The following PITPNA variants were observed in gnomAD, a reference collection of about 807,000 sequenced individuals.
The protein encoded by PITPNA is phosphatidylinositol transfer protein alpha isoform.
PITPNA carries 13 observed loss-of-function variants against 50.3 expected under a neutral mutation model. The ratio of observed to expected loss-of-function variants is 0.26; its 90% CI spans 0.17 to 0.41. The LOEUF (loss-of-function observed/expected upper bound fraction) is 0.41. Ranked by LOEUF, PITPNA falls within the 10% of genes least tolerant of loss-of-function variation. The pLI is 1.00. For missense variants in PITPNA, 207 were observed against 333.4 expected (o/e 0.62, Z 2.95); for synonymous variants, 120 against 119.6 (o/e 1.00, Z -0.02).
intron 4 of PITPNA, among the ~76,000 whole-genome samples, chr17:1,544,514 C>T (rs560534655): frequency 6.6e-6 from 1 of 152,304 alleles, no homozygotes; most frequent in South Asian, 2.1e-4. Context: ...CCCTCCCAGG[C>T]CCTCAAACAC....
intron 10 of PITPNA, among the ~76,000 whole-genome samples, chr17:1,524,511 C>T (rs769073361): frequency 1.2e-4 from 19 of 152,080 alleles, no homozygotes; most frequent in Middle Eastern, 3.2e-3. Context: ...CCACCCACCT[C>T]AGCTTCCCAA....
chr17:1,546,936 G>A (rs2075677681), intron 4 of PITPNA, among the ~76,000 whole-genome samples: 1 of 152,094 alleles, frequency 6.6e-6, no homozygotes, highest in African/African-American at 2.4e-5. Context: ...AGAACATGCT[G>A]TTTCAGCAGA....
chr17:1,551,565 T>G (rs897662524), intron 3 of PITPNA, among the ~76,000 whole-genome samples: 6 of 152,184 alleles, frequency 3.9e-5, no homozygotes, highest in Non-Finnish European at 8.8e-5. Context: ...AGTGCTGGGA[T>G]TACAGGCGTG....
chr17:1,545,647 C>A (rs1008369698), intron 4 of PITPNA, among the ~76,000 whole-genome samples: 1 of 152,148 alleles, frequency 6.6e-6, no homozygotes, highest in Non-Finnish European at 1.5e-5. Context: ...GGTGCTGATA[C>A]AGAAATTATG....
At chr17:1,551,365 T>C (rs1042305301) in intron 3 of PITPNA, among the ~76,000 whole-genome samples, 4 of 151,774 alleles carry the variant, frequency 2.6e-5, no homozygotes, top group Admixed American at 2.0e-4. Context: ...GACCATGGCT[T>C]ACTGCAGCCC....
intron 7 of PITPNA, among the ~76,000 whole-genome samples, chr17:1,536,657 G>A (rs192346560): frequency 2.0e-5 from 3 of 151,452 alleles, no homozygotes; most frequent in Admixed American, 6.6e-5. Context: ...GCAGTGGCAC[G>A]ATCTCAGCTC....
intron 6 of PITPNA, 114 bp downstream of exon 6, chr17:1,541,448 ACTGC>A (rs1429093565): frequency 1.3e-6 from 1 of 750,422 alleles, no homozygotes; most frequent in East Asian, 2.5e-5. Context: ...GGCAGAGGCC[ACTGC>A]CTTCCCGGCC....
chr17:1,540,758 T>G (rs932634766), intron 6 of PITPNA, among the ~76,000 whole-genome samples: 1 of 152,164 alleles, frequency 6.6e-6, no homozygotes, highest in African/African-American at 2.4e-5. Context: ...CTGGCTGTTT[T>G]GTATTTTTAG....
intron 3 of PITPNA, among the ~76,000 whole-genome samples, chr17:1,549,876 T>G (rs760922393): frequency 6.6e-6 from 1 of 151,946 alleles, no homozygotes; most frequent in African/African-American, 2.4e-5. Flanking sequence ...GGTTTTGTCA[T>G]GTAGGCCAGG....
chr17:1,561,783 GTCC>G (rs2075769498), intron 1 of PITPNA, among the ~76,000 whole-genome samples: 1 of 152,022 alleles, frequency 6.6e-6, no homozygotes, highest in East Asian at 1.9e-4. Context: ...TGACTTCCTA[GTCC>G]TCCTCCTGTG....
chr17:1,551,493 A>T (rs1309083489), intron 3 of PITPNA, among the ~76,000 whole-genome samples: 1 of 151,784 alleles, frequency 6.6e-6, no homozygotes, highest in Non-Finnish European at 1.5e-5. Context: ...GAGTCTCGCT[A>T]TGTTGCCCAG....
intron 7 of PITPNA, among the ~76,000 whole-genome samples, chr17:1,537,610 T>G (rs1367294377): frequency 6.6e-6 from 1 of 152,190 alleles, no homozygotes; most frequent in Non-Finnish European, 1.5e-5. Flanking sequence ...GAATCATACT[T>G]TTTGCTAGTA....
rs575508098 is a variant in PITPNA at position 1,520,811 on chromosome 17, C to T, written c.*23-273G>A. Among the ~76,000 whole-genome samples the T allele has an allele frequency of 3.0e-3, 450 of 152,294 alleles. 1 individual carries two copies. The highest frequency in any genetic ancestry group is 4.7e-3 in the Non-Finnish European group (322 of 68,012). On this transcript the variant is annotated intron_variant, in intron 11 of 11. Coordinates refer to ENST00000313486, the MANE Select transcript of PITPNA (RefSeq NM_006224.4). ...CGTCACTCCTGGTGAGACCCTGGCC[C>T]TCCTTGCCCGTAGGGTTAGAGGCCA...
intron 10 of PITPNA, among the ~76,000 whole-genome samples, chr17:1,524,285 C>T (rs1285083002): frequency 6.6e-6 from 1 of 150,898 alleles, no homozygotes; most frequent in African/African-American, 2.4e-5. Flanking sequence ...ACCTCATGAT[C>T]CGCCCGCCTT....
intron 2 of PITPNA, among the ~76,000 whole-genome samples, chr17:1,553,427 G>T (rs2075719649): frequency 6.6e-6 from 1 of 151,956 alleles, no homozygotes; most frequent in Non-Finnish European, 1.5e-5. Flanking sequence ...TTTTGGTAGA[G>T]ACAGGGTCTT....
chr17:1,559,685 G>C (rs1440644229), intron 1 of PITPNA: 2 of 756,654 alleles, frequency 2.6e-6, no homozygotes, highest in East Asian at 2.6e-4. Flanking sequence ...CTAGTAAACA[G>C]CTATTTTCTA....
At chr17:1,532,413 A>C (rs558960162) in intron 10 of PITPNA, among the ~76,000 whole-genome samples, 30 of 152,116 alleles carry the variant, frequency 2.0e-4, no homozygotes, top group Non-Finnish European at 3.8e-4. Context: ...AGGGTCTGAG[A>C]GATTAAAAAA....
intron 2 of PITPNA, among the ~76,000 whole-genome samples, chr17:1,553,982 T>G (rs963537014): frequency 6.6e-6 from 1 of 152,222 alleles, no homozygotes; most frequent in African/African-American, 2.4e-5. Flanking sequence ...TGGCACTTAC[T>G]ACATGGCAAA....
At chr17:1,521,873 CTTTT>C (rs869029944) in intron 10 of PITPNA, among the ~76,000 whole-genome samples, 2 of 121,848 alleles carry the variant, frequency 1.6e-5, no homozygotes, top group African/African-American at 6.5e-5. Flanking sequence ...TTTGAAGCAC[CTTTT>C]TTTTTTTTTT....
Sources: allele counts gnomAD v4.1 joint callset (sites outside exome capture counted in the v4.1 genomes callset), GRCh38; gene constraint gnomAD v4.1.1; transcripts MANE v1.5; gene names NCBI Gene and HGNC (gene_info 2026-07-23, HGNC 2026-07-21).